Variants in RPS6KA3 observed in about 807,000 individuals in gnomAD.
RPS6KA3 encodes ribosomal protein S6 kinase alpha-3.
RPS6KA3 carries 4 observed loss-of-function variants against 67.2 expected under a neutral mutation model. That is an observed-to-expected ratio of 0.06 (90% CI 0.03 to 0.14). The LOEUF is 0.14. Among genes scored for constraint, RPS6KA3 ranks in the 10% least tolerant of loss-of-function variants. The probability of loss-of-function intolerance (pLI) is 1.00; values close to 1 mark genes in which losing one functional copy is unlikely to be tolerated. For missense variants in RPS6KA3, 204 were observed against 559.0 expected, an observed-to-expected ratio of 0.36 and a Z score of 6.40; for synonymous variants, 182 against 183.7, an observed-to-expected ratio of 0.99 and a Z score of 0.07.
At chrX:20,255,902 G>A (rs1391176324) in intron 1 of RPS6KA3, among the ~76,000 whole-genome samples, 4 of 100,004 alleles carry the variant, frequency 4.0e-5, no homozygotes, top group African/African-American at 1.5e-4. Context: ...CTGAGGTCAG[G>A]AGTTTGAGAC....
rs1305212085 is a variant in RPS6KA3 at position 20,161,653 on chromosome X, G to A, written c.1950C>T (p.Asp650=). Residue 650 remains aspartate, a synonymous_variant, in exon 20 of 22, where the codon GAC becomes GAT. Transcript: ENST00000379565. ...AGGAAGTGATACTTACCTTTGCTGT[G>A]TCTGAAACAGAATTCCAGTAACCAC... is the stretch of plus-strand genomic sequence containing the variant. ...LSGGYWNSVS[D]TAKDLVSKML... 7 of 1,107,016 alleles carry A rather than the reference G, an allele frequency of 6.3e-6. No individual in the cohort carries two copies. Among genetic ancestry groups the A allele is most frequent in the Non-Finnish European group, 6.2e-6 (5 of 809,380 alleles). The allele number at this position is 1,107,016 out of a possible 1,213,427, so 91.2% of individuals were successfully genotyped here. A position where few individuals can be genotyped will look rare whatever the true frequency, so the allele number is the denominator to read the frequency against.
chrX:20,259,659 C>G (rs893373489), intron 1 of RPS6KA3, among the ~76,000 whole-genome samples: 11 of 111,353 alleles, frequency 9.9e-5, no homozygotes, highest in East Asian at 5.6e-4. Flanking sequence ...CACTTTGTGT[C>G]CACTGAGACT....
intron 10 of RPS6KA3, 148 bp from the exon 11 acceptor site, chrX:20,177,232 C>T (rs1431438067): frequency 2.2e-5 from 10 of 464,333 alleles, no homozygotes; most frequent in Non-Finnish European, 3.4e-5. Flanking sequence ...TGCCCTTTAC[C>T]CAGTTTCCCC....
intron 18 of RPS6KA3, among the ~76,000 whole-genome samples, chrX:20,164,450 G>C (rs1389457374): frequency 9.7e-6 from 1 of 102,942 alleles, no homozygotes; most frequent in Non-Finnish European, 2.0e-5. Context: ...GCAGTGGTGT[G>C]ATCTTGGGTC....
At chrX:20,254,820 G>C (rs2069992217) in intron 1 of RPS6KA3, among the ~76,000 whole-genome samples, 1 of 111,832 alleles carries the variant, frequency 8.9e-6, no homozygotes, top group Non-Finnish European at 1.9e-5. Flanking sequence ...GATGGTTATA[G>C]TAAAAAAGAC....
At chrX:20,171,979 CTA>C (rs2067584785) in intron 15 of RPS6KA3, among the ~76,000 whole-genome samples, 1 of 111,876 alleles carries the variant, frequency 8.9e-6, no homozygotes, top group South Asian at 3.7e-4. Flanking sequence ...ACAGAAAGCC[CTA>C]TAGACACTGA....
intron 9 of RPS6KA3, among the ~76,000 whole-genome samples, chrX:20,187,507 C>T (rs2068017005): frequency 8.9e-6 from 1 of 111,865 alleles, no homozygotes; most frequent in Non-Finnish European, 1.9e-5. Context: ...CTCGGCCAAA[C>T]GAACTTATTT....
intron 16 of RPS6KA3, among the ~76,000 whole-genome samples, 177 bp from the exon 17 acceptor site, chrX:20,167,924 T>C (rs1212851143): frequency 8.9e-6 from 1 of 112,697 alleles, no homozygotes; most frequent in Non-Finnish European, 1.9e-5. Context: ...CTTGGCTCAC[T>C]GCAATATCCA....
intron 2 of RPS6KA3, chrX:20,218,906 A>G (rs1305762966): frequency 3.1e-6 from 3 of 953,421 alleles, no homozygotes; most frequent in Non-Finnish European, 4.4e-6. Context: ...AGGGAAGGCC[A>G]AGCCCCTGCA....
chrX:20,194,063 G>T, intron 6 of RPS6KA3, 126 bp downstream of exon 6: 2 of 470,813 alleles, frequency 4.2e-6, no homozygotes, highest in Admixed American at 4.0e-5. Flanking sequence ...ACTCTTTTTG[G>T]GTCTGATTCT....
At chrX:20,227,991 C>T (rs1420434227) in intron 2 of RPS6KA3, among the ~76,000 whole-genome samples, 1 of 111,298 alleles carries the variant, frequency 9.0e-6, no homozygotes, top group Non-Finnish European at 1.9e-5. Flanking sequence ...TTTTTGAGAG[C>T]TTTCCTCAAT....
chrX:20,247,354 C>A (rs1054356931), intron 1 of RPS6KA3, among the ~76,000 whole-genome samples: 3 of 111,040 alleles, frequency 2.7e-5, no homozygotes, highest in African/African-American at 9.9e-5. Flanking sequence ...CACTTGAGCC[C>A]GGGAGGCAGA....
intron 19 of RPS6KA3, among the ~76,000 whole-genome samples, chrX:20,161,975 T>G (rs944530942): frequency 9.2e-6 from 1 of 108,735 alleles, no homozygotes; most frequent in East Asian, 2.8e-4. Flanking sequence ...TTTACAATAA[T>G]TACAAATATA....
chrX:20,162,839 C>T, intron 19 of RPS6KA3, 125 bp downstream of exon 19: 1 of 549,799 alleles, frequency 1.8e-6, no homozygotes. Context: ...AGAGTGAGAC[C>T]CTGTCTCTAA....
intron 1 of RPS6KA3, among the ~76,000 whole-genome samples, chrX:20,259,606 G>A (rs1011637805): frequency 1.8e-5 from 2 of 111,127 alleles, no homozygotes; most frequent in South Asian, 3.7e-4. Context: ...ACTGGATCGC[G>A]TTACTGTAGT....
At position 20,266,636 on chromosome X, in the gene RPS6KA3, C is replaced by A. The variant is rs1291517568; in HGVS notation, c.-4G>T. The A allele has an allele frequency of 9.0e-6, 10 of 1,115,905 alleles. No homozygotes were observed. The South Asian group carries it at 1.8e-4, about 20-fold the overall frequency. 92.0% of individuals were successfully genotyped at this position (1,115,905 alleles called of 1,213,427 possible). A position where few individuals can be genotyped will look rare whatever the true frequency, so the allele number is the denominator to read the frequency against. On this transcript the variant is annotated 5_prime_UTR_variant, in exon 1 of 22. Coordinates refer to ENST00000379565, the MANE Select transcript of RPS6KA3 (RefSeq NM_004586.3). ...CCGCCAGCTGCGCCAGCGGCATCTT[C>A]CCCCCCGGCCCGCCGCCTTCACCGC...
intron 2 of RPS6KA3, among the ~76,000 whole-genome samples, chrX:20,216,263 T>C (rs112175755): frequency 0.031 from 3,518 of 111,709 alleles, 134 homozygotes; most frequent in African/African-American, 0.1. Flanking sequence ...ACATCACGTC[T>C]TCTTTCATTC....
chrX:20,186,144 G>T, intron 10 of RPS6KA3, 152 bp downstream of exon 10: 2 of 428,908 alleles, frequency 4.7e-6, no homozygotes, highest in Non-Finnish European at 8.5e-6. Context: ...GTTTCACCAT[G>T]TTGGCCAGGC....
intron 1 of RPS6KA3, among the ~76,000 whole-genome samples, chrX:20,242,530 C>T (rs1248946000): frequency 2.7e-5 from 3 of 111,079 alleles, no homozygotes; most frequent in Non-Finnish European, 3.8e-5. Context: ...TTTTTAGCTC[C>T]GTAATTCATT....
Sources: gnomAD v4.1 joint callset for allele counts (sites outside exome capture counted in the v4.1 genomes callset) on GRCh38, gnomAD v4.1.1 for gene constraint, MANE v1.5 for transcripts, NCBI Gene and HGNC (gene_info 2026-07-23, HGNC 2026-07-21) for gene names.